MTSS1: variants seen among roughly 807,000 people sequenced by gnomAD.
MTSS1 encodes the protein MTSS I-BAR domain containing 1, also known as protein MTSS 1.
In MTSS1, 18 loss-of-function variants were observed where a neutral mutation model predicts 79.0. The observed-to-expected ratio is 0.23, with a 90% CI of 0.16 to 0.34. The LOEUF (loss-of-function observed/expected upper bound fraction) is 0.34, where lower values mean the gene tolerates loss of function less well. MTSS1 is among the 10% of genes least tolerant of loss of function. MTSS1 has a pLI of 1.00. For missense variants in MTSS1, 815 were observed against 986.2 expected (o/e 0.83, Z 2.33); for synonymous variants, 341 against 368.6 (o/e 0.93, Z 0.86).
chr8:124,710,129 G>C (rs1830945796), intron 1 of MTSS1, among the ~76,000 whole-genome samples: 1 of 152,212 alleles, frequency 6.6e-6, no homozygotes, highest in Non-Finnish European at 1.5e-5. Context: ...ACACATTTAT[G>C]CTGGCCACTC....
At chr8:124,600,897 G>A (rs76981711) in intron 3 of MTSS1, among the ~76,000 whole-genome samples, 5,745 of 152,180 alleles carry the variant, frequency 0.038, 366 homozygotes, top group African/African-American at 0.13. Context: ...CATCCACAAC[G>A]TGGTTATTTA....
chr8:124,712,570 T>A (rs546757985), intron 1 of MTSS1, among the ~76,000 whole-genome samples: 1 of 152,204 alleles, frequency 6.6e-6, no homozygotes, highest in Non-Finnish European at 1.5e-5. Context: ...TCCTGCAAGA[T>A]GAAGGGCTCC....
intron 3 of MTSS1, among the ~76,000 whole-genome samples, chr8:124,663,662 C>T (rs921326882): frequency 6.6e-6 from 1 of 152,182 alleles, no homozygotes; most frequent in Admixed American, 6.5e-5. Context: ...TTAGAAAAGC[C>T]ATCCTCCTCC....
intron 3 of MTSS1, among the ~76,000 whole-genome samples, chr8:124,696,030 C>T (rs1828760627): frequency 6.6e-6 from 1 of 152,010 alleles, no homozygotes; most frequent in South Asian, 2.1e-4. Flanking sequence ...CTCTGTCACC[C>T]AGGCTGGAGT....
chr8:124,553,640 C>CT lies in MTSS1; in HGVS notation c.1619dup (p.Glu541GlyfsTer106). ...GAATGGTGGAGGACTTGTCGAACTC[C>CT]TGCTGATCTGCCTCCTGGTCACCAC... On this transcript the variant is annotated frameshift_variant, in exon 14 of 14. Transcript: ENST00000518547. LOFTEE classifies it high-confidence loss of function. This position sits in a 1 kb window ranked among gnomAD's most constrained non-coding sequence, Gnocchi z 6.0. 6.2e-7 allele frequency: 1 copy of CT among 1,614,108 alleles called. No individual in the cohort carries two copies. The highest frequency in any genetic ancestry group is 8.5e-7 in the Non-Finnish European group (1 of 1,179,994).
At chr8:124,704,002 C>A in intron 2 of MTSS1, 128 bp downstream of exon 2, 1 of 781,442 alleles carries the variant, frequency 1.3e-6, no homozygotes, top group Non-Finnish European at 2.2e-6. Flanking sequence ...CAATCAGAAC[C>A]CAGCACAGGC....
chr8:124,570,860 G>A (rs1827630225), intron 6 of MTSS1, among the ~76,000 whole-genome samples: 1 of 151,976 alleles, frequency 6.6e-6, no homozygotes, highest in Non-Finnish European at 1.5e-5. Context: ...TTTTTATAAA[G>A]ATTGGGTCTT....
At chr8:124,677,167 A>G (rs1825437358) in intron 3 of MTSS1, among the ~76,000 whole-genome samples, 1 of 152,202 alleles carries the variant, frequency 6.6e-6, no homozygotes, top group African/African-American at 2.4e-5. Context: ...TCAGGGGTAC[A>G]CAAATCAGGA....
At position 124,728,009 on chromosome 8, in the gene MTSS1, C is replaced by T. The variant is rs1833995895; in HGVS notation, c.-54G>A. 5.9e-6 allele frequency: 9 copies of T among 1,518,048 alleles called. No individual in the cohort carries two copies. The Admixed American group carries it at 1.4e-4, about 24-fold the overall frequency. The allele number at this position is 1,518,048 out of a possible 1,614,324, so 94.0% of individuals were successfully genotyped here. A position where few individuals can be genotyped will look rare whatever the true frequency, so the allele number is the denominator to read the frequency against. On this transcript the variant is annotated 5_prime_UTR_variant, in exon 1 of 14. Transcript: ENST00000518547. The surrounding 1 kb of genome is among the most constrained non-coding windows in gnomAD (Gnocchi z 6.1). ...ACACGCGGGGCCGCTGGACTGCGCG[C>T]GGGGCCGGGGCTCGCTCACCCCAGA...
At chr8:124,652,466 G>C (rs1820143744) in intron 3 of MTSS1, among the ~76,000 whole-genome samples, 1 of 151,972 alleles carries the variant, frequency 6.6e-6, no homozygotes, top group South Asian at 2.1e-4. Context: ...ATGCCCAGCC[G>C]AGGAATGTCT....
At chr8:124,560,612 C>G (rs1283567007) in intron 10 of MTSS1, among the ~76,000 whole-genome samples, 1 of 152,208 alleles carries the variant, frequency 6.6e-6, no homozygotes, top group African/African-American at 2.4e-5. Flanking sequence ...GATCCCGCCA[C>G]TGCACTTCAT....
chr8:124,683,568 G>A lies in MTSS1; in HGVS notation c.208+15958C>T, dbSNP rs1331352870. On this transcript the variant is annotated intron_variant, in intron 3 of 13. Transcript: ENST00000518547. This position sits in a 1 kb window ranked among gnomAD's most constrained non-coding sequence, Gnocchi z 4.5. Reference sequence around the variant, plus strand: ...CAACTGGAGGCCAGAGGTGGGACACGCCCTAGGAAGCATCCAGACAGACGG... The same window carrying A: ...CAACTGGAGGCCAGAGGTGGGACACACCCTAGGAAGCATCCAGACAGACGG... 6.6e-5 allele frequency among the ~76,000 whole-genome samples: 10 copies of A among 152,120 alleles called. No homozygotes were observed. Among genetic ancestry groups the A allele is most frequent in the African/African-American group, 9.7e-5 (4 of 41,426 alleles).
At chr8:124,618,060 T>A (rs1044989447) in intron 3 of MTSS1, among the ~76,000 whole-genome samples, 1 of 152,216 alleles carries the variant, frequency 6.6e-6, no homozygotes, top group African/African-American at 2.4e-5. Flanking sequence ...GACTGCTACC[T>A]AAATACTTCC....
chr8:124,655,177 C>G (rs1345955973), intron 3 of MTSS1, among the ~76,000 whole-genome samples: 1 of 152,184 alleles, frequency 6.6e-6, no homozygotes, highest in East Asian at 1.9e-4. Flanking sequence ...GGGGCTCAGG[C>G]CCACGCTTGG....
chr8:124,716,526 G>A (rs1832015458), intron 1 of MTSS1, among the ~76,000 whole-genome samples: 2 of 152,134 alleles, frequency 1.3e-5, no homozygotes, highest in Non-Finnish European at 2.9e-5. Flanking sequence ...CCTACTCCTG[G>A]TGGAATCCCA....
chr8:124,636,042 C>A (rs118142775), intron 3 of MTSS1, among the ~76,000 whole-genome samples: 5,749 of 152,150 alleles, frequency 0.038, 253 homozygotes, highest in East Asian at 0.17. Flanking sequence ...AGGGTGCATT[C>A]GACAGGCTCC....
intron 3 of MTSS1, among the ~76,000 whole-genome samples, chr8:124,669,014 T>C (rs1289759240): frequency 6.6e-6 from 1 of 152,218 alleles, no homozygotes; most frequent in Non-Finnish European, 1.5e-5. Flanking sequence ...GCTTTTAAAC[T>C]TTTTTACAAA....
At chr8:124,654,130 C>A (rs1363628587) in intron 3 of MTSS1, among the ~76,000 whole-genome samples, 2 of 152,178 alleles carry the variant, frequency 1.3e-5, no homozygotes, top group Non-Finnish European at 2.9e-5. Context: ...TCGTCGCTGA[C>A]CTGTAGCTGT....
At position 124,642,580 on chromosome 8, in the gene MTSS1, GTTTTTTC is replaced by G. The variant is rs749410949; in HGVS notation, c.209-51352_209-51346del. ...TAAGACAGCCCCATGTTTCTTCTGG[GTTTTTTC>G]TTTTTTCTTTTTTCTTTTTTTTGGA... On this transcript the variant is annotated intron_variant, in intron 3 of 13. Transcript: ENST00000518547. Among the ~76,000 whole-genome samples, 497 of 152,074 alleles carry G rather than the reference GTTTTTTC, an allele frequency of 3.3e-3. 2 individuals are homozygous for G. Among genetic ancestry groups the G allele is most frequent in the African/African-American group, 9.5e-3 (395 of 41,468 alleles).
Sources: allele counts gnomAD v4.1 joint callset (sites outside exome capture counted in the v4.1 genomes callset), GRCh38; gene constraint gnomAD v4.1.1; non-coding constraint Gnocchi (gnomAD v3.1); transcripts MANE v1.5; gene names NCBI Gene and HGNC (gene_info 2026-07-23, HGNC 2026-07-21).